MAGI2: variants seen among roughly 807,000 people sequenced by gnomAD.
MAGI2 encodes the protein membrane-associated guanylate kinase, WW and PDZ domain-containing protein 2.
Under a neutral mutation model 133.3 loss-of-function variants are expected in MAGI2, and 35 were observed. That is an observed-to-expected ratio of 0.26 (90% CI 0.20 to 0.35). The LOEUF (loss-of-function observed/expected upper bound fraction) is 0.35, where lower values mean the gene tolerates loss of function less well. MAGI2 is among the 10% of genes least tolerant of loss of function. The pLI is 1.00. For synonymous variants in MAGI2, 729 were observed against 710.6 expected, an observed-to-expected ratio of 1.03 and a Z score of -0.41; for missense variants, 1,636 against 1,863.4, an observed-to-expected ratio of 0.88 and a Z score of 2.25.
intron 1 of MAGI2, among the ~76,000 whole-genome samples, chr7:79,270,920 C>A (rs1834828023): frequency 6.6e-6 from 1 of 151,670 alleles, no homozygotes; most frequent in African/African-American, 2.4e-5. Context: ...TGTTTTGAAA[C>A]TGCTCTTCCT....
At chr7:79,446,677 G>T (rs550526247) in intron 1 of MAGI2, among the ~76,000 whole-genome samples, 1 of 152,284 alleles carries the variant, frequency 6.6e-6, no homozygotes, top group South Asian at 2.1e-4. Flanking sequence ...GGGGTTGGGC[G>T]CAGTGGCTCA....
intron 7 of MAGI2, among the ~76,000 whole-genome samples, chr7:78,348,092 T>A (rs923114336): frequency 6.6e-5 from 10 of 152,252 alleles, no homozygotes; most frequent in African/African-American, 2.2e-4. Flanking sequence ...GCTTCACCTT[T>A]GGCTGCATCA....
chr7:78,729,879 G>A (rs1468383400), intron 2 of MAGI2, among the ~76,000 whole-genome samples: 1 of 152,122 alleles, frequency 6.6e-6, no homozygotes, highest in Non-Finnish European at 1.5e-5. Context: ...TAAACAGTTT[G>A]ATTTACATCA....
chr7:78,256,671 T>G (rs1793013957), intron 9 of MAGI2, 90 bp from the exon 10 acceptor site: 1 of 1,080,616 alleles, frequency 9.3e-7, no homozygotes, highest in Non-Finnish European at 1.4e-6. Flanking sequence ...TAGTGAGAGG[T>G]GTTGTTTCTT....
At chr7:79,250,137 T>C (rs1403472646) in intron 1 of MAGI2, among the ~76,000 whole-genome samples, 3 of 151,990 alleles carry the variant, frequency 2.0e-5, no homozygotes, top group African/African-American at 7.2e-5. Flanking sequence ...AGAAAAAACA[T>C]ATGTCAACAT....
intron 20 of MAGI2, among the ~76,000 whole-genome samples, chr7:78,088,461 G>T (rs150819305): frequency 7.8e-4 from 119 of 152,296 alleles, no homozygotes; most frequent in African/African-American, 2.7e-3. Flanking sequence ...GGGGACATTG[G>T]TTAGCTGGGA....
At chr7:78,255,565 T>G in intron 10 of MAGI2, 1 of 415,206 alleles carries the variant, frequency 2.4e-6, no homozygotes, top group South Asian at 2.7e-5. Flanking sequence ...AAGCGTTGCT[T>G]CCATCGTAAA....
intron 14 of MAGI2, among the ~76,000 whole-genome samples, 171 bp from the exon 15 acceptor site, chr7:78,168,279 A>G (rs1825808925): frequency 6.6e-6 from 1 of 151,542 alleles, no homozygotes; most frequent in Non-Finnish European, 1.5e-5. Context: ...CTTTTTATAT[A>G]CAGTTATATA....
At chr7:79,048,638 G>T (rs1812390786) in intron 1 of MAGI2, among the ~76,000 whole-genome samples, 1 of 152,012 alleles carries the variant, frequency 6.6e-6, no homozygotes, top group South Asian at 2.1e-4. Flanking sequence ...ATTAGTATAG[G>T]TTCTGCTTAT....
chr7:79,116,235 C>T (rs913411732), intron 1 of MAGI2, among the ~76,000 whole-genome samples: 8 of 152,118 alleles, frequency 5.3e-5, no homozygotes, highest in Admixed American at 3.9e-4. Context: ...ACAAGATTCC[C>T]TTAGTTAAAA....
At chr7:78,723,384 G>C (rs1480663425) in intron 2 of MAGI2, among the ~76,000 whole-genome samples, 2 of 152,150 alleles carry the variant, frequency 1.3e-5, no homozygotes, top group Non-Finnish European at 2.9e-5. Flanking sequence ...TGTGGGCAGA[G>C]GCCTAGGAAT....
At chr7:78,838,509 A>AGT (rs34844201) in intron 2 of MAGI2, among the ~76,000 whole-genome samples, 87,015 of 147,686 alleles carry the variant, frequency 0.59, 25,400 homozygotes, top group East Asian at 0.67. Flanking sequence ...TATGTGTGTG[A>AGT]GTGTGTGTGT....
At chr7:78,324,431 T>A (rs371222045) in intron 9 of MAGI2, among the ~76,000 whole-genome samples, 3 of 152,194 alleles carry the variant, frequency 2.0e-5, no homozygotes, top group Non-Finnish European at 4.4e-5. Context: ...CAGGTTTGGA[T>A]CCCAGGCTTA....
chr7:79,215,103 T>C (rs1585223702), intron 1 of MAGI2, among the ~76,000 whole-genome samples: 2 of 151,718 alleles, frequency 1.3e-5, no homozygotes, highest in South Asian at 2.1e-4. Context: ...CAGGTCATGA[T>C]GGAAAGAGGA....
intron 1 of MAGI2, among the ~76,000 whole-genome samples, chr7:79,365,894 A>G (rs929639446): frequency 4.7e-5 from 7 of 148,408 alleles, no homozygotes; most frequent in Non-Finnish European, 1.0e-4. Flanking sequence ...AAAAAAAGTA[A>G]CAAAATAGTG....
At chr7:78,880,677 C>T (rs963958155) in intron 2 of MAGI2, among the ~76,000 whole-genome samples, 6 of 152,140 alleles carry the variant, frequency 3.9e-5, no homozygotes, top group Admixed American at 2.6e-4. Context: ...TGTAAATTAA[C>T]GCAACCAGCT....
At chr7:78,994,284 C>T (rs1182230043) in intron 2 of MAGI2, among the ~76,000 whole-genome samples, 1 of 152,102 alleles carries the variant, frequency 6.6e-6, no homozygotes, top group Non-Finnish European at 1.5e-5. Flanking sequence ...GTGAACAGCA[C>T]TGCTGTCTCT....
chr7:78,200,408 A>G (rs1829131361), intron 11 of MAGI2, among the ~76,000 whole-genome samples: 1 of 152,208 alleles, frequency 6.6e-6, no homozygotes, highest in Admixed American at 6.5e-5. Context: ...CCAGCTTCCT[A>G]TACTGGCGCA....
intron 5 of MAGI2, among the ~76,000 whole-genome samples, chr7:78,496,462 A>AGCACGTCAATCCC (rs1794095478): frequency 6.6e-6 from 1 of 152,254 alleles, no homozygotes; most frequent in Admixed American, 6.5e-5. Context: ...GGATTCCCAA[A>AGCACGTCAATCCC]GCACGTCAAT....
Sources: allele counts gnomAD v4.1 joint callset (sites outside exome capture counted in the v4.1 genomes callset), GRCh38; gene constraint gnomAD v4.1.1; transcripts MANE v1.5; gene names NCBI Gene and HGNC (gene_info 2026-07-23, HGNC 2026-07-21).